CAPN8: variants seen among roughly 807,000 people sequenced by gnomAD.
CAPN8 encodes calpain-8.
CAPN8 carries 87 observed loss-of-function variants against 80.9 expected under a neutral mutation model. That is an observed-to-expected ratio of 1.07 (90% CI 0.90 to 1.28). CAPN8 has a LOEUF of 1.28. Ranked by LOEUF, CAPN8 falls within the 50% of genes most tolerant of loss-of-function variation. The probability of loss-of-function intolerance (pLI) is 0.00; values close to 1 mark genes in which losing one functional copy is unlikely to be tolerated. For synonymous variants in CAPN8, 299 were observed against 273.8 expected (o/e 1.09, Z -0.91); for missense variants, 757 against 702.0 (o/e 1.08, Z -0.89).
intron 1 of CAPN8, among the ~76,000 whole-genome samples, chr1:223,654,842 A>ATTTTTTT (rs35365292): frequency 5.4e-5 from 6 of 111,732 alleles, no homozygotes; most frequent in Non-Finnish European, 8.7e-5. Flanking sequence ...CACCCGGCTA[A>ATTTTTTT]TTTTTTTTTT....
At chr1:223,612,474 G>A (rs1296557418) in intron 10 of CAPN8, among the ~76,000 whole-genome samples, 1 of 151,904 alleles carries the variant, frequency 6.6e-6, no homozygotes, top group Admixed American at 6.6e-5. Flanking sequence ...GAAATCTGGT[G>A]GGGGACCACC....
intron 2 of CAPN8, among the ~76,000 whole-genome samples, chr1:223,645,656 A>G (rs1658171875): frequency 6.6e-6 from 1 of 152,186 alleles, no homozygotes; most frequent in African/African-American, 2.4e-5. Context: ...GCAACTGGGA[A>G]AGGATCCCCA....
Position 223,549,350 on chromosome 1 carries a change from T to G in CAPN8, c.1732A>C (p.Asn578His), listed in dbSNP as rs1424396907. The part of the protein sequence containing the change: ...TDIKFDGFNI[N>H]TCREMISLLD... ...AGACTGATCATTTCCCTGCAAGTGT[T>G]GATGTTGAATCCATCGAATTTTATG... Residue 578 changes from asparagine to histidine, a missense_variant, in exon 16 of 21, where the codon AAC becomes CAC. Asn to His is a moderately conservative substitution (Grantham distance 68). Coordinates refer to ENST00000366872, the MANE Select transcript of CAPN8 (RefSeq NM_001143962.2). 8.4e-6 allele frequency: 13 copies of G among 1,551,796 alleles called. No individual in the cohort carries two copies. In the Admixed American group the frequency reaches 1.6e-4, roughly 19 times the overall value.
In CAPN8 at chr1:223,619,453, C is replaced by T. The variant is rs940105570; in HGVS notation, c.975G>A (p.Trp325Ter). 5.8e-5 allele frequency: 90 copies of T among 1,551,420 alleles called. No homozygotes were observed. The highest frequency in any genetic ancestry group is 7.4e-5 in the Non-Finnish European group (85 of 1,146,978). ...LDKKVEDGEFWMSLSDFVRQF... is the reference protein window; with the variant it reads ...LDKKVEDGEF ...GCCTCACGAAATCTGAAAGTGACATCCTGGGGCAGAGGCACCAGAGGGCTC... is the reference window on the plus strand; with the variant it reads ...GCCTCACGAAATCTGAAAGTGACATTCTGGGGCAGAGGCACCAGAGGGCTC... Residue 325 changes from tryptophan (W) to a stop codon, truncating the protein, a stop_gained and splice_region_variant, in exon 9 of 21, where the codon TGG (tryptophan) becomes TGA (stop). Transcript: ENST00000366872. LOFTEE classifies it high-confidence loss of function.
chr1:223,545,462 G>T, intron 16 of CAPN8, 163 bp from the exon 17 acceptor site: 1 of 1,156,478 alleles, frequency 8.6e-7, no homozygotes, highest in Non-Finnish European at 1.2e-6. Context: ...TTCAAATAAA[G>T]ATTAAAAAGT....
chr1:223,544,885 C>T lies in CAPN8; in HGVS notation c.1834-35G>A, dbSNP rs190945568. 6,237 of 1,551,176 alleles carry T rather than the reference C, an allele frequency of 4.0e-3. 19 individuals carry two copies. Among genetic ancestry groups the T allele is most frequent in the Non-Finnish European group, 4.9e-3 (5,580 of 1,146,964 alleles). ...GAAAGAAATCCCAAGTAGAAAACAA[C>T]CATTCACGGCCCCTGCCAGAACCAT... is the stretch of plus-strand genomic sequence containing the variant. On this transcript the variant is annotated intron_variant, in intron 17 of 20. Transcript: ENST00000366872.
intron 2 of CAPN8, among the ~76,000 whole-genome samples, chr1:223,651,677 G>A (rs992896527): frequency 6.6e-6 from 1 of 152,218 alleles, no homozygotes; most frequent in African/African-American, 2.4e-5. Context: ...TTTTATAAGA[G>A]TGCAAGAGAA....
chr1:223,621,958 G>A (rs1657408649), intron 7 of CAPN8, among the ~76,000 whole-genome samples: 1 of 151,918 alleles, frequency 6.6e-6, no homozygotes, highest in Non-Finnish European at 1.5e-5. Context: ...CTGGGTTCAA[G>A]CGATTTCCAG....
chr1:223,664,940 A>G (rs1658745373), intron 1 of CAPN8, among the ~76,000 whole-genome samples: 1 of 151,924 alleles, frequency 6.6e-6, no homozygotes, highest in South Asian at 2.1e-4. Flanking sequence ...ACTCTGCCTC[A>G]AAAAAAATAA....
intron 1 of CAPN8, among the ~76,000 whole-genome samples, chr1:223,659,886 C>T (rs1029849319): frequency 6.6e-6 from 1 of 152,182 alleles, no homozygotes; most frequent in Non-Finnish European, 1.5e-5. Flanking sequence ...ACCTGACGCA[C>T]GAGCTCATGC....
At chr1:223,609,920 C>T (rs1656989439) in intron 11 of CAPN8, among the ~76,000 whole-genome samples, 1 of 152,220 alleles carries the variant, frequency 6.6e-6, no homozygotes, top group African/African-American at 2.4e-5. Context: ...GCGGCCACAG[C>T]TAGGCCTAGT....
chr1:223,661,892 C>T (rs191673068), intron 1 of CAPN8, among the ~76,000 whole-genome samples: 312 of 152,188 alleles, frequency 2.1e-3, no homozygotes, highest in African/African-American at 7.3e-3. Flanking sequence ...GCATGATTCA[C>T]AATAACCAAA....
intron 2 of CAPN8, among the ~76,000 whole-genome samples, chr1:223,647,244 AG>A (rs1236600940): frequency 5.9e-5 from 9 of 152,246 alleles, no homozygotes; most frequent in Non-Finnish European, 1.3e-4. Flanking sequence ...ATAGAAAAGT[AG>A]AATCTTGGGA....
At chr1:223,641,470 G>T (rs944354236) in intron 2 of CAPN8, among the ~76,000 whole-genome samples, 16 of 151,770 alleles carry the variant, frequency 1.1e-4, no homozygotes, top group African/African-American at 3.1e-4. Context: ...TTCCTATCTT[G>T]CAATTGTCTC....
At chr1:223,626,947 C>T (rs112664081) in intron 5 of CAPN8, 42 bp downstream of exon 5, 143 of 1,532,046 alleles carry the variant, frequency 9.3e-5, no homozygotes, top group Non-Finnish European at 4.3e-5. Context: ...CAAGGGGTGG[C>T]GGTGGGGGGA....
At chr1:223,658,696 C>T (rs1256430272) in intron 1 of CAPN8, among the ~76,000 whole-genome samples, 1 of 152,146 alleles carries the variant, frequency 6.6e-6, no homozygotes, top group Non-Finnish European at 1.5e-5. Context: ...ATCCCAGCTA[C>T]CCAGGAGGCT....
intron 8 of CAPN8, 60 bp from the exon 9 acceptor site, chr1:223,619,513 G>T: frequency 6.5e-7 from 1 of 1,529,244 alleles, no homozygotes. Context: ...TTAAAGGCAC[G>T]CATACTGAGC....
intron 16 of CAPN8, among the ~76,000 whole-genome samples, chr1:223,548,681 G>C (rs1019127846): frequency 2.6e-5 from 4 of 152,180 alleles, no homozygotes; most frequent in African/African-American, 9.6e-5. Flanking sequence ...GGCCTTCTCA[G>C]CCTCCAGAAG....
In CAPN8 at chr1:223,609,137, A is replaced by T. The variant is rs1656970965; in HGVS notation, c.1535+16T>A. On this transcript the variant is annotated intron_variant, in intron 12 of 20. Transcript: ENST00000366872. Reference sequence around the variant, plus strand: ...CACAGACAACTGTTCCCCACCACGGAGGGAAGGAGACGCACAGGGCCTGGG... The same window carrying T: ...CACAGACAACTGTTCCCCACCACGGTGGGAAGGAGACGCACAGGGCCTGGG... 2 of 398,262 alleles carry T rather than the reference A, an allele frequency of 5.0e-6. No individual in the cohort carries two copies. Among genetic ancestry groups the T allele is most frequent in the Non-Finnish European group, 8.8e-6 (2 of 226,068 alleles). 24.7% of individuals were successfully genotyped at this position (398,262 alleles called of 1,614,324 possible).
Sources: allele counts gnomAD v4.1 joint callset (sites outside exome capture counted in the v4.1 genomes callset), GRCh38; gene constraint gnomAD v4.1.1; transcripts MANE v1.5; gene names NCBI Gene and HGNC (gene_info 2026-07-23, HGNC 2026-07-21).